The following EPB41L5 variants were observed in gnomAD, a reference collection of about 807,000 sequenced individuals.
The protein encoded by EPB41L5 is band 4.1-like protein 5.
EPB41L5 carries 55 observed loss-of-function variants against 106.6 expected under a neutral mutation model. The ratio of observed to expected loss-of-function variants is 0.52; its 90% confidence interval spans 0.42 to 0.65. EPB41L5 has a LOEUF of 0.65. EPB41L5 is among the 30% of genes least tolerant of loss of function. EPB41L5 has a pLI of 0.00. For synonymous variants in EPB41L5, 297 were observed against 306.7 expected (o/e 0.97, Z 0.33); for missense variants, 871 against 882.1 (o/e 0.99, Z 0.16).
At position 120,017,669 on chromosome 2, in the gene EPB41L5, AGTT is replaced by A. The variant is rs1354625083; in HGVS notation, c.-8-1407_-8-1405del. 2.0e-5 allele frequency among the ~76,000 whole-genome samples: 3 copies of A among 152,246 alleles called. No homozygotes were observed. The East Asian group carries it at 5.8e-4, about 29-fold the overall frequency. ...GACATTAAAAAGATTTATGTTAAGT[AGTT>A]ATTTAAAATCTGTATGTAATAGAAT... On this transcript the variant is annotated intron_variant, in intron 1 of 24. Transcript: ENST00000263713.
intron 3 of EPB41L5, 138 bp from the exon 4 acceptor site, chr2:120,073,040 A>G (rs572194468): frequency 5.8e-6 from 4 of 687,340 alleles, no homozygotes; most frequent in South Asian, 5.7e-5. Context: ...CTCTTTTCTC[A>G]TTCACTTGGG....
chr2:120,051,902 C>G (rs1368409574), intron 3 of EPB41L5, among the ~76,000 whole-genome samples: 3 of 152,164 alleles, frequency 2.0e-5, no homozygotes, highest in Non-Finnish European at 2.9e-5. Context: ...TCTTGGCTCA[C>G]TGTAAGCTCC....
chr2:120,144,679 T>TA (rs1158405365), intron 19 of EPB41L5, among the ~76,000 whole-genome samples: 1 of 152,184 alleles, frequency 6.6e-6, no homozygotes, highest in Non-Finnish European at 1.5e-5. Flanking sequence ...CAATTCATCT[T>TA]ATGAGACTAG....
intron 20 of EPB41L5, among the ~76,000 whole-genome samples, chr2:120,150,739 G>T (rs1382352202): frequency 2.0e-5 from 3 of 151,918 alleles, no homozygotes; most frequent in African/African-American, 7.3e-5. Context: ...AGGAGTCCTT[G>T]ATTGAATATC....
intron 2 of EPB41L5, among the ~76,000 whole-genome samples, chr2:120,026,029 A>G (rs191689023): frequency 4.0e-4 from 61 of 152,312 alleles, no homozygotes; most frequent in African/African-American, 1.4e-3. Context: ...GTTAAAAAGA[A>G]TAGTCTTTTT....
rs116781537 is a variant in EPB41L5, at chr2:120,126,692, G to A, written c.1338-996G>A. 6.1e-3 allele frequency among the ~76,000 whole-genome samples: 922 copies of A among 152,194 alleles called. 9 individuals carry two copies. Among genetic ancestry groups the A allele is most frequent in the Non-Finnish European group, 0.011 (761 of 67,998 alleles). ...CCAGTATCAGCCTGTCTTGATTACTGTGGCTTTCTAGTAAGTTTTCAAATT... is the reference window on the plus strand; with the variant it reads ...CCAGTATCAGCCTGTCTTGATTACTATGGCTTTCTAGTAAGTTTTCAAATT... On this transcript the variant is annotated intron_variant, in intron 16 of 24. Coordinates refer to ENST00000263713, the MANE Select transcript of EPB41L5 (RefSeq NM_020909.4).
chr2:120,024,387 G>A (rs1558802364), intron 2 of EPB41L5, among the ~76,000 whole-genome samples: 2 of 152,212 alleles, frequency 1.3e-5, no homozygotes, highest in South Asian at 4.1e-4. Flanking sequence ...TTTTTAGCAT[G>A]AAGACTTGTT....
chr2:120,124,199 G>A lies in EPB41L5; in HGVS notation c.1338-3489G>A, dbSNP rs191096896. On this transcript the variant is annotated intron_variant, in intron 16 of 24. Transcript: ENST00000263713. Reference sequence around the variant, plus strand: ...ATATACTTCATATTTCACCTCTTCCGAAACCGTTCTTCACTCCCCTCATTT... The same window carrying A: ...ATATACTTCATATTTCACCTCTTCCAAAACCGTTCTTCACTCCCCTCATTT... 7.2e-5 allele frequency among the ~76,000 whole-genome samples: 11 copies of A among 152,128 alleles called. No individual in the cohort carries two copies. The South Asian group carries it at 1.7e-3, about 23-fold the overall frequency.
At chr2:120,095,494 T>G (rs1683688014) in intron 14 of EPB41L5, among the ~76,000 whole-genome samples, 1 of 151,862 alleles carries the variant, frequency 6.6e-6, no homozygotes, top group Admixed American at 6.6e-5. Flanking sequence ...TTCGCTTCTC[T>G]TTATACTTTT....
chr2:120,029,900 G>T (rs1225370369), intron 2 of EPB41L5, among the ~76,000 whole-genome samples: 8 of 152,116 alleles, frequency 5.3e-5, no homozygotes, highest in Non-Finnish European at 1.2e-4. Context: ...CTATTCCCAC[G>T]ATGCCCGTCA....
intron 16 of EPB41L5, chr2:120,106,797 C>G (rs536297395): frequency 2.0e-6 from 2 of 985,280 alleles, no homozygotes; most frequent in East Asian, 1.1e-4. Flanking sequence ...CTTTTTGTTG[C>G]GTTTCAAAGG....
intron 2 of EPB41L5, among the ~76,000 whole-genome samples, chr2:120,038,212 A>C (rs1247517890): frequency 6.6e-6 from 1 of 152,258 alleles, no homozygotes; most frequent in Non-Finnish European, 1.5e-5. Context: ...AAATAGGCAA[A>C]GAACTTACAC....
chr2:120,033,832 G>A (rs748080367), intron 2 of EPB41L5, among the ~76,000 whole-genome samples: 18 of 151,996 alleles, frequency 1.2e-4, no homozygotes, highest in Non-Finnish European at 2.2e-4. Flanking sequence ...GATGGCTCAC[G>A]CTTATAATCC....
Position 120,090,506 on chromosome 2 carries a change from T to C in EPB41L5, c.1033T>C (p.Phe345Leu). Residue 345 changes from phenylalanine to leucine, a missense_variant, in exon 12 of 25, where the codon TTT becomes CTT. Transcript: ENST00000263713. ...AGGATTTATTCGACTAGGATCACGA[T>C]TTAGATATAGGTTAATTTTAATTGC... ...RSGFIRLGSR[F>L]RYSGKTEYQT... The C allele has an allele frequency of 6.2e-7, 1 of 1,611,122 alleles. No homozygotes were observed. Among genetic ancestry groups the C allele is most frequent in the Non-Finnish European group, 8.5e-7 (1 of 1,179,054 alleles).
chr2:120,061,182 A>T, intron 3 of EPB41L5, among the ~76,000 whole-genome samples: 1 of 150,468 alleles, frequency 6.6e-6, no homozygotes, highest in Admixed American at 6.6e-5. Context: ...CCAGGACTAC[A>T]GGCACACACC....
chr2:120,108,611 G>C (rs1684583641), intron 16 of EPB41L5: 1 of 152,128 alleles, frequency 6.6e-6, no homozygotes, highest in Admixed American at 6.5e-5. Context: ...ACTAGTTAGA[G>C]GAGTATTCAG....
intron 9 of EPB41L5, among the ~76,000 whole-genome samples, chr2:120,077,575 TA>T (rs1348997434): frequency 2.6e-5 from 4 of 152,222 alleles, no homozygotes; most frequent in Admixed American, 1.3e-4. Context: ...TATTTTATTT[TA>T]TTTTTTTGCT....
intron 21 of EPB41L5, 109 bp from the exon 22 acceptor site, chr2:120,164,725 TTA>T (rs1447119122): frequency 4.5e-6 from 3 of 666,010 alleles, no homozygotes; most frequent in Non-Finnish European, 7.8e-6. Flanking sequence ...ATTTAAAGGA[TTA>T]ACACTAATCA....
intron 24 of EPB41L5, among the ~76,000 whole-genome samples, chr2:120,168,305 T>C (rs934550671): frequency 2.0e-5 from 3 of 152,210 alleles, no homozygotes; most frequent in Non-Finnish European, 4.4e-5. Context: ...CGCTTTACTA[T>C]TTATTATGAT....
Sources: gnomAD v4.1 joint callset for allele counts (sites outside exome capture counted in the v4.1 genomes callset) on GRCh38, gnomAD v4.1.1 for gene constraint, MANE v1.5 for transcripts, NCBI Gene and HGNC (gene_info 2026-07-23, HGNC 2026-07-21) for gene names.